TAFA5: variants seen among roughly 807,000 people sequenced by gnomAD.
The protein encoded by TAFA5 is chemokine-like protein TAFA-5.
TAFA5 carries 6 observed loss-of-function variants against 15.3 expected under a neutral mutation model. The observed-to-expected ratio is 0.39, with a 90% CI of 0.21 to 0.77. The LOEUF is 0.77. Ranked by LOEUF, TAFA5 falls within the 30% of genes least tolerant of loss-of-function variation. TAFA5 has a pLI of 0.41. For synonymous variants in TAFA5, 103 were observed against 80.7 expected (o/e 1.28, Z -1.48); for missense variants, 161 against 193.1 (o/e 0.83, Z 0.98).
chr22:48,640,412 C>A (rs1926630148), intron 1 of TAFA5, among the ~76,000 whole-genome samples: 1 of 152,206 alleles, frequency 6.6e-6, no homozygotes, highest in African/African-American at 2.4e-5. Context: ...GCGCCCAGTG[C>A]AGACACAGCC....
chr22:48,633,704 G>A (rs1479385000), intron 1 of TAFA5, among the ~76,000 whole-genome samples: 1 of 152,136 alleles, frequency 6.6e-6, no homozygotes, highest in Non-Finnish European at 1.5e-5. Flanking sequence ...GTGGGTCCTG[G>A]TGCTTCTGTT....
intron 2 of TAFA5, among the ~76,000 whole-genome samples, chr22:48,660,239 G>A (rs1188920684): frequency 6.6e-6 from 1 of 152,212 alleles, no homozygotes; most frequent in Admixed American, 6.5e-5. Context: ...CAAGGAAGTT[G>A]TTGTTTGCTG....
intron 2 of TAFA5, among the ~76,000 whole-genome samples, chr22:48,699,305 A>G (rs1454649450): frequency 1.3e-5 from 2 of 152,212 alleles, no homozygotes; most frequent in Non-Finnish European, 2.9e-5. Flanking sequence ...TTGCAGGACT[A>G]TGAACGCACA....
chr22:48,707,539 A>T (rs1929118013), intron 2 of TAFA5, among the ~76,000 whole-genome samples, 178 bp from the exon 3 acceptor site: 1 of 152,070 alleles, frequency 6.6e-6, no homozygotes, highest in Non-Finnish European at 1.5e-5. Context: ...AAACCAGGAG[A>T]CCAGGAAGCT....
intron 1 of TAFA5, among the ~76,000 whole-genome samples, chr22:48,587,863 G>T (rs192324072): frequency 6.6e-6 from 1 of 152,258 alleles, no homozygotes; most frequent in South Asian, 2.1e-4. Context: ...ACGCAGAGGC[G>T]GCCTTCTGCC....
At chr22:48,638,681 AC>A (rs1926554893) in intron 1 of TAFA5, among the ~76,000 whole-genome samples, 1 of 94,338 alleles carries the variant, frequency 1.1e-5, no homozygotes, top group African/African-American at 4.3e-5. Flanking sequence ...AGGCAATACC[AC>A]CCCCCTGGAC....
chr22:48,615,787 G>A (rs1301444725), intron 1 of TAFA5, among the ~76,000 whole-genome samples: 1 of 152,132 alleles, frequency 6.6e-6, no homozygotes, highest in African/African-American at 2.4e-5. Context: ...GTCATTGCGG[G>A]GGACCATGGA....
chr22:48,559,107 G>A (rs2147131037), intron 1 of TAFA5, among the ~76,000 whole-genome samples: 1 of 152,294 alleles, frequency 6.6e-6, no homozygotes, highest in Middle Eastern at 3.4e-3. Context: ...AGTGCCGAGG[G>A]GCCCAAGGAG....
intron 3 of TAFA5, among the ~76,000 whole-genome samples, chr22:48,712,810 G>T (rs558226637): frequency 6.6e-6 from 1 of 152,236 alleles, no homozygotes; most frequent in African/African-American, 2.4e-5. Flanking sequence ...CCATTCCTGT[G>T]CTCTGCCTCT....
chr22:48,682,378 A>G (rs1395273245), intron 2 of TAFA5, among the ~76,000 whole-genome samples: 13 of 152,208 alleles, frequency 8.5e-5, no homozygotes, highest in Admixed American at 8.5e-4. Flanking sequence ...GAAGGGGTAC[A>G]GGTGGCTTTG....
chr22:48,608,103 A>AGCCCCTCCCACGGCCCCAGGCTGCCC, intron 1 of TAFA5, among the ~76,000 whole-genome samples: 4 of 151,034 alleles, frequency 2.6e-5, no homozygotes, highest in Non-Finnish European at 2.9e-5. Context: ...CCAGGCTGCC[A>AGCCCCTCCCACGGCCCCAGGCTGCCC]GCCCCTCCCA....
chr22:48,502,886 A>G (rs1920960952), intron 1 of TAFA5, among the ~76,000 whole-genome samples: 1 of 152,182 alleles, frequency 6.6e-6, no homozygotes, highest in African/African-American at 2.4e-5. Context: ...TCTCTTCTGT[A>G]GCATTCCATT....
chr22:48,576,615 C>T (rs373371854), intron 1 of TAFA5: 17 of 1,330,504 alleles, frequency 1.3e-5, no homozygotes, highest in South Asian at 8.1e-5. Flanking sequence ...GCGCTCTGCC[C>T]GGCTCGCGGC....
chr22:48,559,430 C>T (rs114954481), intron 1 of TAFA5, among the ~76,000 whole-genome samples: 2,028 of 152,236 alleles, frequency 0.013, 33 homozygotes, highest in African/African-American at 0.045. Flanking sequence ...TGAGATGAGC[C>T]GGGTAACCTG....
chr22:48,681,367 G>A (rs369535275), intron 2 of TAFA5, among the ~76,000 whole-genome samples: 3 of 152,072 alleles, frequency 2.0e-5, no homozygotes, highest in Admixed American at 1.3e-4. Context: ...ATGAGGCCGG[G>A]TGCGGTGGCT....
At chr22:48,515,093 G>A (rs118043830) in intron 1 of TAFA5, among the ~76,000 whole-genome samples, 14 of 151,640 alleles carry the variant, frequency 9.2e-5, no homozygotes, top group East Asian at 2.0e-4. Context: ...CGCAGGCAGC[G>A]TCCTCTCAGC....
At chr22:48,689,594 G>A (rs1001684472) in intron 2 of TAFA5, among the ~76,000 whole-genome samples, 3 of 152,172 alleles carry the variant, frequency 2.0e-5, no homozygotes, top group African/African-American at 7.2e-5. Flanking sequence ...GCTTTACCGA[G>A]TCTGAGCCGA....
At chr22:48,595,063 C>T (rs1216377358) in intron 1 of TAFA5, among the ~76,000 whole-genome samples, 2 of 152,276 alleles carry the variant, frequency 1.3e-5, no homozygotes, top group Non-Finnish European at 1.5e-5. Context: ...CTGCCTTGAG[C>T]CTGTGACCGG....
At chr22:48,559,222 G>A (rs553376107) in intron 1 of TAFA5, among the ~76,000 whole-genome samples, 12 of 152,320 alleles carry the variant, frequency 7.9e-5, no homozygotes, top group East Asian at 3.9e-4. Context: ...AGCGGTGGAC[G>A]CTCCTCCTGG....
Sources: allele counts gnomAD v4.1 joint callset (sites outside exome capture counted in the v4.1 genomes callset), GRCh38; gene constraint gnomAD v4.1.1; transcripts MANE v1.5; gene names NCBI Gene and HGNC (gene_info 2026-07-23, HGNC 2026-07-21).